CAAP1: variants seen among roughly 807,000 people sequenced by gnomAD.
CAAP1 encodes the protein conserved anti-apoptotic protein.
A neutral mutation model predicts 34.0 loss-of-function variants in CAAP1; 20 were observed. That is an observed-to-expected ratio of 0.59 (90% CI 0.41 to 0.86). CAAP1 has a LOEUF of 0.86. Ranked by LOEUF, CAAP1 falls within the 40% of genes least tolerant of loss-of-function variation. The pLI, the probability that CAAP1 is intolerant of heterozygous loss-of-function variation, is 0.00. For missense variants in CAAP1, 538 were observed against 450.5 expected (o/e 1.19, Z -1.76); for synonymous variants, 213 against 166.7 (o/e 1.28, Z -2.14).
At chr9:26,857,495 G>A (rs1034866453) in intron 5 of CAAP1, among the ~76,000 whole-genome samples, 6 of 152,172 alleles carry the variant, frequency 3.9e-5, no homozygotes, top group Non-Finnish European at 7.3e-5. Context: ...AGCCGGGTGT[G>A]GTAGTGGGCA....
chr9:26,843,776 A>G (rs1344605825), intron 5 of CAAP1, among the ~76,000 whole-genome samples: 1 of 152,168 alleles, frequency 6.6e-6, no homozygotes, highest in Non-Finnish European at 1.5e-5. Flanking sequence ...TGGTTTTATA[A>G]TCAATGATGA....
chr9:26,892,135 C>A, intron 1 of CAAP1: 4 of 745,584 alleles, frequency 5.4e-6, no homozygotes, highest in Non-Finnish European at 4.0e-6. Flanking sequence ...ATTCTTCCGG[C>A]AGAGTGAAAC....
intron 4 of CAAP1, among the ~76,000 whole-genome samples, chr9:26,863,836 C>G (rs955986092): frequency 1.3e-5 from 2 of 150,998 alleles, no homozygotes; most frequent in Non-Finnish European, 2.9e-5. Flanking sequence ...TCCCGTCTTC[C>G]AGGAGGCTGG....
intron 4 of CAAP1, among the ~76,000 whole-genome samples, chr9:26,884,065 T>G (rs1823666035): frequency 6.6e-6 from 1 of 152,204 alleles, no homozygotes; most frequent in Admixed American, 6.5e-5. Flanking sequence ...AAGTATTTAT[T>G]TTTCTTTTAT....
chr9:26,892,756 C>G lies in CAAP1; in HGVS notation c.-41G>C, dbSNP rs1427269307. The G allele has an allele frequency of 6.5e-7, 1 of 1,530,690 alleles. No individual in the cohort carries two copies. Among genetic ancestry groups the G allele is most frequent in the Non-Finnish European group, 8.7e-7 (1 of 1,143,816 alleles). The allele number at this position is 1,530,690 out of a possible 1,614,324, so 94.8% of individuals were successfully genotyped here. A position where few individuals can be genotyped will look rare whatever the true frequency, so the allele number is the denominator to read the frequency against. On this transcript the variant is annotated 5_prime_UTR_variant, in exon 1 of 6. Transcript: ENST00000333916. Reference sequence around the variant, plus strand: ...ACCATCGGAGGAAAGTCCGCTGTCTCTGGTGCGACCGAAGCCCGACTCCTG... The same window carrying G: ...ACCATCGGAGGAAAGTCCGCTGTCTGTGGTGCGACCGAAGCCCGACTCCTG...
At position 26,887,868 on chromosome 9, in the gene CAAP1, C is replaced by T. The variant is rs1160750802; in HGVS notation, c.304-355G>A. On this transcript the variant is annotated intron_variant, in intron 1 of 5. Coordinates refer to ENST00000333916, the MANE Select transcript of CAAP1 (RefSeq NM_024828.4). ...GCTCTATGTATGCATTATCACTGTA[C>T]TTAAATTCATATAAATAAATTGAAG... Among the ~76,000 whole-genome samples, 4 of 152,118 alleles carry T rather than the reference C, an allele frequency of 2.6e-5. No individual in the cohort carries two copies. In the East Asian group the frequency reaches 7.7e-4, roughly 29 times the overall value.
intron 5 of CAAP1, among the ~76,000 whole-genome samples, chr9:26,848,781 T>A (rs1438367060): frequency 1.3e-5 from 2 of 152,266 alleles, no homozygotes; most frequent in African/African-American, 4.8e-5. Flanking sequence ...ATGTTGTTTA[T>A]TTTTTCTCCT....
chr9:26,879,563 T>G (rs1475014738), intron 4 of CAAP1, among the ~76,000 whole-genome samples: 1 of 152,230 alleles, frequency 6.6e-6, no homozygotes, highest in Non-Finnish European at 1.5e-5. Context: ...TGTGAGGGTG[T>G]TGCCAAAGGA....
At chr9:26,874,020 A>C (rs1002596427) in intron 4 of CAAP1, among the ~76,000 whole-genome samples, 1 of 151,984 alleles carries the variant, frequency 6.6e-6, no homozygotes, top group African/African-American at 2.4e-5. Flanking sequence ...ATCCTGGCTA[A>C]CATGGTGAAA....
intron 4 of CAAP1, among the ~76,000 whole-genome samples, chr9:26,879,733 T>C (rs939595241): frequency 2.6e-5 from 4 of 152,218 alleles, no homozygotes; most frequent in Admixed American, 1.3e-4. Flanking sequence ...CCATGCTGGA[T>C]GCCCTTGAAC....
intron 1 of CAAP1, among the ~76,000 whole-genome samples, chr9:26,891,610 A>G (rs543346267): frequency 6.6e-6 from 1 of 152,228 alleles, no homozygotes; most frequent in Non-Finnish European, 1.5e-5. Flanking sequence ...TCAGAAAAAT[A>G]TAATACAATA....
At chr9:26,889,981 T>TA (rs1377778100) in intron 1 of CAAP1, among the ~76,000 whole-genome samples, 1 of 150,890 alleles carries the variant, frequency 6.6e-6, no homozygotes, top group Non-Finnish European at 1.5e-5. Context: ...TCTTCACAAA[T>TA]ACACTAATTT....
chr9:26,874,123 C>A (rs945996705), intron 4 of CAAP1, among the ~76,000 whole-genome samples: 1 of 141,308 alleles, frequency 7.1e-6, no homozygotes, highest in African/African-American at 2.7e-5. Context: ...AGGAGAATGG[C>A]GTGAACCCGG....
intron 4 of CAAP1, among the ~76,000 whole-genome samples, chr9:26,869,251 C>G (rs899040027): frequency 1.3e-5 from 2 of 151,926 alleles, no homozygotes; most frequent in Non-Finnish European, 2.9e-5. Context: ...TTTTATTTAA[C>G]TCAGATAGAA....
chr9:26,879,562 GTT>G (rs1172976133), intron 4 of CAAP1, among the ~76,000 whole-genome samples: 1 of 152,236 alleles, frequency 6.6e-6, no homozygotes, highest in East Asian at 1.9e-4. Context: ...CTGTGAGGGT[GTT>G]GCCAAAGGAG....
At chr9:26,849,268 C>T (rs971851652) in intron 5 of CAAP1, among the ~76,000 whole-genome samples, 1 of 152,192 alleles carries the variant, frequency 6.6e-6, no homozygotes, top group Non-Finnish European at 1.5e-5. Flanking sequence ...CCTAGTCAAG[C>T]TCTTAAACTA....
chr9:26,877,513 T>C (rs537998457), intron 4 of CAAP1, among the ~76,000 whole-genome samples: 1 of 152,328 alleles, frequency 6.6e-6, no homozygotes, highest in South Asian at 2.1e-4. Flanking sequence ...TTCCTGCCTA[T>C]CTGCATCCTT....
intron 5 of CAAP1, among the ~76,000 whole-genome samples, chr9:26,856,246 A>G (rs1822868436): frequency 6.6e-6 from 1 of 152,228 alleles, no homozygotes. Context: ...TATTCAAAAT[A>G]AGATGTAAAT....
At chr9:26,868,117 C>A (rs574277946) in intron 4 of CAAP1, among the ~76,000 whole-genome samples, 1 of 152,200 alleles carries the variant, frequency 6.6e-6, no homozygotes, top group African/African-American at 2.4e-5. Flanking sequence ...TCTTCAGTTT[C>A]GTACTATTCC....
Sources: gnomAD v4.1 joint callset for allele counts (sites outside exome capture counted in the v4.1 genomes callset) on GRCh38, gnomAD v4.1.1 for gene constraint, MANE v1.5 for transcripts, NCBI Gene and HGNC (gene_info 2026-07-23, HGNC 2026-07-21) for gene names.